STIM2: variants seen among roughly 807,000 people sequenced by gnomAD.
STIM2 encodes stromal interaction molecule 2.
Under a neutral mutation model 85.8 loss-of-function variants are expected in STIM2, and 31 were observed. That is an observed-to-expected ratio of 0.36 (90% CI 0.27 to 0.49). The LOEUF is 0.49. Among genes scored for constraint, STIM2 ranks in the 20% least tolerant of loss-of-function variants. STIM2 has a pLI of 0.98. For synonymous variants in STIM2, 356 were observed against 331.1 expected (o/e 1.08, Z -0.82); for missense variants, 841 against 927.6 (o/e 0.91, Z 1.21).
At chr4:27,004,137 A>G (rs1728253298) in intron 7 of STIM2, among the ~76,000 whole-genome samples, 1 of 152,232 alleles carries the variant, frequency 6.6e-6, no homozygotes, top group Admixed American at 6.5e-5. Context: ...AGGTCAACTC[A>G]TGAGAATACA....
At chr4:26,929,429 C>T (rs1370052534) in intron 2 of STIM2, among the ~76,000 whole-genome samples, 2 of 151,836 alleles carry the variant, frequency 1.3e-5, no homozygotes, top group African/African-American at 2.4e-5. Flanking sequence ...TTTTATGGAC[C>T]TTTACTGGCC....
chr4:27,010,393 G>A (rs868742516), intron 10 of STIM2, among the ~76,000 whole-genome samples: 2 of 152,130 alleles, frequency 1.3e-5, no homozygotes, highest in African/African-American at 2.4e-5. Flanking sequence ...GCAGTGAGCC[G>A]AGATTGTGCC....
Position 27,008,773 on chromosome 4 carries a change from C to T in STIM2, c.1260C>T (p.Leu420=). 2 of 1,614,110 alleles carry T rather than the reference C, an allele frequency of 1.2e-6. No homozygotes were observed. Among genetic ancestry groups the T allele is most frequent in the Non-Finnish European group, 8.5e-7 (1 of 1,179,994 alleles). Residue 420 remains leucine (L), a synonymous_variant, in exon 10 of 12, where the codon CTC becomes CTT. Transcript: ENST00000467087. Reference sequence around the variant, plus strand: ...TTATTGGCTTTTCCAGGAAAGCTCTCTCTGAGTTGACAACTTGTTTACGAG... The same window carrying T: ...TTATTGGCTTTTCCAGGAAAGCTCTTTCTGAGTTGACAACTTGTTTACGAG...
chr4:26,881,213 C>T (rs975881396), intron 1 of STIM2, among the ~76,000 whole-genome samples: 3 of 152,050 alleles, frequency 2.0e-5, no homozygotes, highest in Non-Finnish European at 2.9e-5. Flanking sequence ...TGCTGGTAAT[C>T]GCAGTTCTTT....
intron 2 of STIM2, among the ~76,000 whole-genome samples, chr4:26,945,740 A>G (rs190203114): frequency 2.0e-5 from 3 of 152,082 alleles, no homozygotes; most frequent in Non-Finnish European, 4.4e-5. Flanking sequence ...GGCTGTATGT[A>G]TGTCGTATTT....
At chr4:26,970,065 A>G (rs568625706) in intron 3 of STIM2, among the ~76,000 whole-genome samples, 51 of 151,410 alleles carry the variant, frequency 3.4e-4, no homozygotes, top group African/African-American at 1.2e-3. Flanking sequence ...AAAATAAAAA[A>G]AATGAGAAGG....
intron 3 of STIM2, among the ~76,000 whole-genome samples, chr4:26,979,880 G>A (rs1727318043): frequency 1.3e-5 from 2 of 152,124 alleles, no homozygotes; most frequent in Non-Finnish European, 2.9e-5. Context: ...TTGGTAGTAT[G>A]TTTTTGAAAA....
intron 1 of STIM2, among the ~76,000 whole-genome samples, chr4:26,871,303 T>C (rs1014921111): frequency 6.6e-6 from 1 of 152,174 alleles, no homozygotes; most frequent in African/African-American, 2.4e-5. Flanking sequence ...CAAGGATCTT[T>C]ATGTTAAAGC....
intron 2 of STIM2, among the ~76,000 whole-genome samples, chr4:26,954,192 G>A (rs1302148546): frequency 6.6e-6 from 1 of 152,148 alleles, no homozygotes; most frequent in African/African-American, 2.4e-5. Context: ...ATGAGAAACT[G>A]AAATCAGTTT....
chr4:26,865,378 C>T (rs1200955822), intron 1 of STIM2, among the ~76,000 whole-genome samples: 1 of 152,114 alleles, frequency 6.6e-6, no homozygotes, highest in East Asian at 1.9e-4. Context: ...AGGAAGCATT[C>T]AGAGGGCCAG....
In STIM2 at chr4:26,878,780, G is replaced by A. The variant is rs183589176; in HGVS notation, c.151+17411G>A. ...AGGTCTCAGGAAACTTACAATCATGGCAGAAGGCGAAGGGGAAGCAAGGCA... is the reference window on the plus strand; with the variant it reads ...AGGTCTCAGGAAACTTACAATCATGACAGAAGGCGAAGGGGAAGCAAGGCA... On this transcript the variant is annotated intron_variant, in intron 1 of 11. Transcript: ENST00000467087. Among the ~76,000 whole-genome samples the A allele has an allele frequency of 1.6e-4, 24 of 152,216 alleles. No individual in the cohort carries two copies. The East Asian group carries it at 4.6e-3, about 29-fold the overall frequency.
intron 1 of STIM2, among the ~76,000 whole-genome samples, chr4:26,909,451 T>C (rs140955448): frequency 1.3e-5 from 2 of 152,370 alleles, no homozygotes; most frequent in African/African-American, 4.8e-5. Context: ...CTATGGAGTA[T>C]TCAACCTTTC....
At chr4:27,002,173 T>C in intron 5 of STIM2, 44 bp from the exon 6 acceptor site, 11 of 1,534,970 alleles carry the variant, frequency 7.2e-6, no homozygotes, top group Non-Finnish European at 8.7e-6. Context: ...TGAGGTCCTG[T>C]CATACTCAAA....
At chr4:26,961,470 G>A (rs1726470410) in intron 3 of STIM2, among the ~76,000 whole-genome samples, 1 of 152,166 alleles carries the variant, frequency 6.6e-6, no homozygotes, top group Non-Finnish European at 1.5e-5. Flanking sequence ...CAGCAAAATA[G>A]ACTGTATCTA....
chr4:27,004,005 G>A (rs1433170792), intron 7 of STIM2, among the ~76,000 whole-genome samples: 1 of 152,198 alleles, frequency 6.6e-6, no homozygotes, highest in Non-Finnish European at 1.5e-5. Context: ...AATTAGAGGT[G>A]ACTCAGTTAT....
intron 1 of STIM2, among the ~76,000 whole-genome samples, chr4:26,882,581 C>G (rs1723053736): frequency 6.6e-6 from 1 of 151,834 alleles, no homozygotes; most frequent in African/African-American, 2.4e-5. Context: ...CCTCAGTCTC[C>G]CTAGTAGCTG....
At chr4:26,919,035 C>A (rs1015500482) in intron 1 of STIM2, among the ~76,000 whole-genome samples, 1 of 151,744 alleles carries the variant, frequency 6.6e-6, no homozygotes, top group Non-Finnish European at 1.5e-5. Context: ...TTTACATTTC[C>A]TTTCCCTTTT....
At chr4:26,972,447 T>C (rs1353873883) in intron 3 of STIM2, among the ~76,000 whole-genome samples, 1 of 152,218 alleles carries the variant, frequency 6.6e-6, no homozygotes, top group Non-Finnish European at 1.5e-5. Context: ...GTTTTTGGCA[T>C]GAAGGGCTGT....
At position 26,891,178 on chromosome 4, in the gene STIM2, A is replaced by C. The variant is rs1365658055; in HGVS notation, c.152-28326A>C. Among the ~76,000 whole-genome samples, 11 of 152,202 alleles carry C rather than the reference A, an allele frequency of 7.2e-5. No individual in the cohort carries two copies. The South Asian group carries it at 1.2e-3, about 17-fold the overall frequency. ...GTTGTTTGGTCAAACACTAGTCTAGATGTTGCATGAAAGTAATTTGTAGAT... is the reference window on the plus strand; with the variant it reads ...GTTGTTTGGTCAAACACTAGTCTAGCTGTTGCATGAAAGTAATTTGTAGAT... On this transcript the variant is annotated intron_variant, in intron 1 of 11. Coordinates refer to ENST00000467087, the MANE Select transcript of STIM2 (RefSeq NM_020860.4).
Sources: allele counts gnomAD v4.1 joint callset (sites outside exome capture counted in the v4.1 genomes callset), GRCh38; gene constraint gnomAD v4.1.1; transcripts MANE v1.5; gene names NCBI Gene and HGNC (gene_info 2026-07-23, HGNC 2026-07-21).